Variants in RBFOX1 observed in about 807,000 individuals in gnomAD.
RBFOX1 encodes the protein RNA binding fox-1 homolog 1, also known as RNA binding protein fox-1 homolog 1.
A neutral mutation model predicts 57.7 loss-of-function variants in RBFOX1; 8 were observed. The ratio of observed to expected loss-of-function variants is 0.14; its 90% CI spans 0.08 to 0.25. RBFOX1 has a LOEUF of 0.25. Ranked by LOEUF, RBFOX1 falls within the 10% of genes least tolerant of loss-of-function variation. RBFOX1 has a pLI of 1.00. For synonymous variants in RBFOX1, 326 were observed against 222.4 expected, an observed-to-expected ratio of 1.47 and a Z score of -4.15; for missense variants, 611 against 548.5, an observed-to-expected ratio of 1.11 and a Z score of -1.14.
At chr16:7,660,405 G>T (rs8049985) in intron 12 of RBFOX1, among the ~76,000 whole-genome samples, 9,413 of 152,152 alleles carry the variant, frequency 0.062, 544 homozygotes, top group African/African-American at 0.15. Context: ...TAACTGTTCC[G>T]TGGTTAATTT....
intron 2 of RBFOX1, among the ~76,000 whole-genome samples, chr16:6,619,802 A>T (rs1267794339): frequency 6.6e-6 from 1 of 150,392 alleles, no homozygotes; most frequent in Non-Finnish European, 1.5e-5. Flanking sequence ...TGATTTCATC[A>T]TCCAGATGGT....
chr16:7,328,070 C>T lies in RBFOX1; in HGVS notation c.28-190077C>T, dbSNP rs376190335. Among the ~76,000 whole-genome samples, 10 of 152,266 alleles carry T rather than the reference C, an allele frequency of 6.6e-5. No homozygotes were observed. The East Asian group carries it at 1.4e-3, about 21-fold the overall frequency. On this transcript the variant is annotated intron_variant, in intron 4 of 15. Coordinates refer to ENST00000550418, the MANE Select transcript of RBFOX1 (RefSeq NM_018723.4). Reference sequence around the variant, plus strand: ...GAAGGGCCAGTCACTTATGTTGGCTCTCTTTGTTAGTCTGGTGTCAAACTC... The same window carrying T: ...GAAGGGCCAGTCACTTATGTTGGCTTTCTTTGTTAGTCTGGTGTCAAACTC...
chr16:6,920,346 G>T (rs931705227), intron 3 of RBFOX1, among the ~76,000 whole-genome samples: 2 of 152,156 alleles, frequency 1.3e-5, no homozygotes, highest in Non-Finnish European at 2.9e-5. Context: ...GTTCACTCCT[G>T]ATATTGTCAT....
At position 6,660,838 on chromosome 16, in the gene RBFOX1, C is replaced by T. The variant is rs542313411; in HGVS notation, c.-16+6188C>T. Among the ~76,000 whole-genome samples the T allele has an allele frequency of 1.1e-4, 17 of 152,204 alleles. No individual in the cohort carries two copies. In the South Asian group the frequency reaches 3.3e-3, roughly 30 times the overall value. ...ATTACATTTATTTTATCAAATGAGGCCCTGGAAAGTGTTAGGGGATCTCAG... is the reference window on the plus strand; with the variant it reads ...ATTACATTTATTTTATCAAATGAGGTCCTGGAAAGTGTTAGGGGATCTCAG... On this transcript the variant is annotated intron_variant, in intron 3 of 15. Coordinates refer to ENST00000550418, the MANE Select transcript of RBFOX1 (RefSeq NM_018723.4).
At chr16:7,401,379 T>C (rs1006043096) in intron 4 of RBFOX1, among the ~76,000 whole-genome samples, 2 of 152,250 alleles carry the variant, frequency 1.3e-5, no homozygotes, top group African/African-American at 4.8e-5. Context: ...CAGACTTTTC[T>C]CTGATAAACT....
At chr16:6,799,526 A>C (rs747962860) in intron 3 of RBFOX1, among the ~76,000 whole-genome samples, 1 of 152,018 alleles carries the variant, frequency 6.6e-6, no homozygotes, top group African/African-American at 2.4e-5. Flanking sequence ...CTGGTGAACT[A>C]TTGTTTCTGG....
At chr16:7,002,364 G>A (rs2092897870) in intron 3 of RBFOX1, among the ~76,000 whole-genome samples, 1 of 152,200 alleles carries the variant, frequency 6.6e-6, no homozygotes, top group South Asian at 2.1e-4. Flanking sequence ...ACATGAAATT[G>A]CCCTGATATG....
intron 3 of RBFOX1, among the ~76,000 whole-genome samples, chr16:6,700,765 C>T (rs1352697371): frequency 6.6e-6 from 1 of 152,158 alleles, no homozygotes. Context: ...TTCATTACTA[C>T]ATTTACCATG....
At chr16:6,898,506 C>T (rs1309789700) in intron 3 of RBFOX1, among the ~76,000 whole-genome samples, 1 of 152,222 alleles carries the variant, frequency 6.6e-6, no homozygotes, top group East Asian at 1.9e-4. Flanking sequence ...TTTATTGCAA[C>T]AAACTGAAAA....
chr16:7,344,532 TTGTG>T (rs2096957967), intron 4 of RBFOX1, among the ~76,000 whole-genome samples: 1 of 151,114 alleles, frequency 6.6e-6, no homozygotes. Flanking sequence ...ACACATATCA[TTGTG>T]TAATACTGTA....
chr16:7,529,431 C>T (rs1375718786), intron 5 of RBFOX1, among the ~76,000 whole-genome samples: 1 of 152,172 alleles, frequency 6.6e-6, no homozygotes, highest in Non-Finnish European at 1.5e-5. Context: ...GTATGCAACC[C>T]TTTGGTGGGG....
At chr16:6,528,107 C>T (rs901787746) in intron 2 of RBFOX1, among the ~76,000 whole-genome samples, 1 of 152,166 alleles carries the variant, frequency 6.6e-6, no homozygotes, top group Admixed American at 6.5e-5. Flanking sequence ...TTTCCTGATT[C>T]ACCCAACTGG....
intron 11 of RBFOX1, among the ~76,000 whole-genome samples, chr16:7,648,215 T>A (rs1290789698): frequency 6.6e-6 from 1 of 150,484 alleles, no homozygotes; most frequent in Non-Finnish European, 1.5e-5. Flanking sequence ...GAGGAAAAAA[T>A]TATTTATTTA....
intron 5 of RBFOX1, chr16:7,519,712 G>A (rs950597903): frequency 8.1e-6 from 8 of 985,152 alleles, no homozygotes; most frequent in Admixed American, 6.1e-5. Flanking sequence ...TTTTTTGAGT[G>A]TAAGGCAATT....
chr16:5,616,182 T>TG (rs2048018017), intron 3 of RBFOX1: 1 of 152,448 alleles, frequency 6.6e-6, no homozygotes, highest in African/African-American at 2.4e-5. Context: ...TGCCGTCCCC[T>TG]GGGCTGGCTT....
At chr16:5,758,944 G>C (rs978290062) in intron 3 of RBFOX1, among the ~76,000 whole-genome samples, 4 of 152,082 alleles carry the variant, frequency 2.6e-5, no homozygotes, top group Non-Finnish European at 5.9e-5. Flanking sequence ...AATAGTTAGT[G>C]GGTTGTGAGA....
At chr16:5,549,778 G>A (rs2045384135) in intron 2 of RBFOX1, among the ~76,000 whole-genome samples, 1 of 152,306 alleles carries the variant, frequency 6.6e-6, no homozygotes, top group Non-Finnish European at 1.5e-5. Flanking sequence ...GAAAAGACCT[G>A]AAGTTTGGTT....
intron 1 of RBFOX1, among the ~76,000 whole-genome samples, chr16:5,311,321 G>A (rs938819473): frequency 6.6e-6 from 1 of 152,020 alleles, no homozygotes; most frequent in Non-Finnish European, 1.5e-5. Context: ...CACATAGGTT[G>A]GTTCCATATC....
intron 2 of RBFOX1, among the ~76,000 whole-genome samples, chr16:6,412,679 G>A (rs1022278809): frequency 1.3e-5 from 2 of 152,160 alleles, no homozygotes; most frequent in African/African-American, 4.8e-5. Context: ...TTTCTTTTTA[G>A]AAGAAAATGT....
Sources: allele counts gnomAD v4.1 joint callset (sites outside exome capture counted in the v4.1 genomes callset), GRCh38; gene constraint gnomAD v4.1.1; transcripts MANE v1.5; gene names NCBI Gene and HGNC (gene_info 2026-07-23, HGNC 2026-07-21).